The following SORBS2 variants were observed in gnomAD, a reference collection of about 807,000 sequenced individuals.
SORBS2 encodes sorbin and SH3 domain containing 2.
Under a neutral mutation model 97.7 loss-of-function variants are expected in SORBS2, and 46 were observed. That is an observed-to-expected ratio of 0.47 (90% CI 0.37 to 0.60). The LOEUF (loss-of-function observed/expected upper bound fraction) is 0.60. Among genes scored for constraint, SORBS2 ranks in the 20% least tolerant of loss-of-function variants. The pLI, the probability that SORBS2 is intolerant of heterozygous loss-of-function variation, is 0.00. For missense variants in SORBS2, 1,316 were observed against 1,282.3 expected (o/e 1.03, Z -0.40); for synonymous variants, 476 against 473.4 (o/e 1.01, Z -0.07).
At chr4:185,937,613 G>T (rs2099269572) in intron 1 of SORBS2, among the ~76,000 whole-genome samples, 3 of 151,998 alleles carry the variant, frequency 2.0e-5, no homozygotes, top group Non-Finnish European at 4.4e-5. Context: ...CATTTAGCAG[G>T]GCTCTACATC....
chr4:185,857,540 TG>T (rs763007187), intron 1 of SORBS2, among the ~76,000 whole-genome samples: 38 of 152,214 alleles, frequency 2.5e-4, no homozygotes, highest in Middle Eastern at 3.4e-3. Context: ...AGAATAACAG[TG>T]ATTTTCAGGG....
At chr4:185,710,151 T>C (rs1198724611) in intron 2 of SORBS2, among the ~76,000 whole-genome samples, 1 of 98,888 alleles carries the variant, frequency 1.0e-5, no homozygotes. Flanking sequence ...CAGCTTGCTT[T>C]CACTCGATGT....
rs547628939 is a variant in SORBS2 at position 185,690,615 on chromosome 4, T to C, written c.-197-11793A>G. ...GTTATTAAAGTCTTCAGTTTTCCTG[T>C]AGGAAAAAAATGGTGCATAATTGTT... On this transcript the variant is annotated intron_variant, in intron 2 of 20. Coordinates refer to the SORBS2 transcript ENST00000284776. 1.0e-5 allele frequency: 14 copies of C among 1,405,936 alleles called. No individual in the cohort carries two copies. The African/African-American group carries it at 1.9e-4, about 19-fold the overall frequency. 87.1% of individuals were successfully genotyped at this position (1,405,936 alleles called of 1,614,324 possible).
chr4:185,924,216 C>G (rs1479809591), intron 1 of SORBS2, among the ~76,000 whole-genome samples: 2 of 152,148 alleles, frequency 1.3e-5, no homozygotes, highest in Non-Finnish European at 2.9e-5. Flanking sequence ...TCAAGAGACA[C>G]AATTTACAAG....
chr4:185,802,787 T>C (rs1349571952), intron 1 of SORBS2, among the ~76,000 whole-genome samples: 1 of 152,200 alleles, frequency 6.6e-6, no homozygotes, highest in African/African-American at 2.4e-5. Flanking sequence ...ACTTGCCAGA[T>C]GAAATTCTGA....
chr4:185,592,162 C>G (rs1297778052), intron 13 of SORBS2: 1 of 152,426 alleles, frequency 6.6e-6, no homozygotes, highest in African/African-American at 2.4e-5. Context: ...GAAGCCCTCT[C>G]GATAACTTGC....
chr4:185,730,670 C>T (rs748154567), intron 2 of SORBS2, among the ~76,000 whole-genome samples: 2 of 152,188 alleles, frequency 1.3e-5, no homozygotes, highest in Non-Finnish European at 2.9e-5. Flanking sequence ...AGAGGACAAC[C>T]GGGTTGCAGT....
intron 2 of SORBS2, among the ~76,000 whole-genome samples, chr4:185,711,877 G>A (rs530039918): frequency 3.9e-5 from 6 of 152,130 alleles, no homozygotes; most frequent in Admixed American, 3.3e-4. Flanking sequence ...TCAGCTGACC[G>A]TGCTCCCCGC....
At chr4:185,826,171 T>C (rs969141717) in intron 1 of SORBS2, among the ~76,000 whole-genome samples, 2 of 152,234 alleles carry the variant, frequency 1.3e-5, no homozygotes, top group Non-Finnish European at 2.9e-5. Context: ...GCCACATCAA[T>C]GCATTTATAT....
intron 2 of SORBS2, among the ~76,000 whole-genome samples, chr4:185,694,792 C>T (rs953521439): frequency 1.4e-5 from 2 of 144,382 alleles, no homozygotes; most frequent in South Asian, 2.4e-4. Context: ...CTACAACCTC[C>T]ACCTCCTGGG....
At chr4:185,850,450 C>T (rs1447013206) in intron 1 of SORBS2, among the ~76,000 whole-genome samples, 1 of 152,112 alleles carries the variant, frequency 6.6e-6, no homozygotes, top group African/African-American at 2.4e-5. Flanking sequence ...AAGCAAATGA[C>T]AGCATGTAGC....
intron 1 of SORBS2, among the ~76,000 whole-genome samples, chr4:185,883,127 A>G (rs2099237687): frequency 6.6e-6 from 1 of 152,192 alleles, no homozygotes; most frequent in South Asian, 2.1e-4. Flanking sequence ...CAAGCCACAG[A>G]CAGGGAAAAA....
intron 1 of SORBS2, among the ~76,000 whole-genome samples, chr4:185,933,613 C>T (rs1186069587): frequency 6.6e-6 from 1 of 152,030 alleles, no homozygotes; most frequent in Non-Finnish European, 1.5e-5. Flanking sequence ...TTCATCTTTG[C>T]ACGGTATTCC....
At chr4:185,922,601 T>G (rs1033506717) in intron 1 of SORBS2, among the ~76,000 whole-genome samples, 10 of 152,226 alleles carry the variant, frequency 6.6e-5, no homozygotes, top group Admixed American at 6.5e-4. Context: ...TTCCTTCTTG[T>G]TTTATCATTT....
At chr4:185,877,874 C>CAAAAAAAA (rs1435447743) in intron 1 of SORBS2, among the ~76,000 whole-genome samples, 1 of 81,128 alleles carries the variant, frequency 1.2e-5, no homozygotes, top group Non-Finnish European at 2.5e-5. Flanking sequence ...TGTCAAAAAA[C>CAAAAAAAA]AAAAAAAAAA....
intron 12 of SORBS2, among the ~76,000 whole-genome samples, chr4:185,596,072 T>C (rs1159095087): frequency 6.6e-6 from 1 of 152,106 alleles, no homozygotes; most frequent in Non-Finnish European, 1.5e-5. Flanking sequence ...AATAAGAAAA[T>C]ATTATTTATT....
chr4:185,707,248 A>C (rs753633126), intron 2 of SORBS2, among the ~76,000 whole-genome samples: 38 of 152,334 alleles, frequency 2.5e-4, no homozygotes, highest in Non-Finnish European at 4.9e-4. Flanking sequence ...GGAAGGTACA[A>C]GGTCACACAG....
At chr4:185,746,587 G>A (rs1317665743) in intron 2 of SORBS2, among the ~76,000 whole-genome samples, 1 of 152,144 alleles carries the variant, frequency 6.6e-6, no homozygotes, top group Non-Finnish European at 1.5e-5. Flanking sequence ...CAGAGTGCTG[G>A]GATTACAGGT....
chr4:185,662,680 T>TTAG (rs1166867623), intron 4 of SORBS2, among the ~76,000 whole-genome samples: 12 of 152,352 alleles, frequency 7.9e-5, no homozygotes. Context: ...GTTCTCAGAC[T>TTAG]TAGTCAGGGA....
Sources: gnomAD v4.1 joint callset for allele counts (sites outside exome capture counted in the v4.1 genomes callset) on GRCh38, gnomAD v4.1.1 for gene constraint, MANE v1.5 for transcripts, NCBI Gene and HGNC (gene_info 2026-07-23, HGNC 2026-07-21) for gene names.